The following PCDH11Y variants were observed in gnomAD, a reference collection of about 807,000 sequenced individuals.
PCDH11Y encodes the protein protocadherin 11 Y-linked, also known as protocadherin-11 Y-linked.
For synonymous variants in PCDH11Y, 9 were observed against 83.6 expected, an observed-to-expected ratio of 0.11 and a Z score of 4.87; for missense variants, 12 against 224.8, an observed-to-expected ratio of 0.05 and a Z score of 6.05.
At chrY:5,227,365 A>G in intron 2 of PCDH11Y, among the ~76,000 whole-genome samples, 3 of 33,033 alleles carry the variant, frequency 9.1e-5, no homozygotes, top group Non-Finnish European at 1.5e-4. Context: ...ATATAAGATT[A>G]TATCATATTC....
At chrY:5,695,779 A>C in intron 4 of PCDH11Y, among the ~76,000 whole-genome samples, 1 of 31,097 alleles carries the variant, frequency 3.2e-5, no homozygotes, top group Non-Finnish European at 7.8e-5. Context: ...ACAATGCCTT[A>C]ATTTTGTTTG....
intron 2 of PCDH11Y, among the ~76,000 whole-genome samples, chrY:5,362,060 A>G: frequency 3.0e-5 from 1 of 33,177 alleles, no homozygotes; most frequent in Non-Finnish European, 7.4e-5. Flanking sequence ...AAACGTTTTC[A>G]TATTTGTTTT....
intron 3 of PCDH11Y, among the ~76,000 whole-genome samples, chrY:5,513,083 T>A: frequency 1.6e-4 from 5 of 32,247 alleles, no homozygotes; most frequent in Non-Finnish European, 3.0e-4. Flanking sequence ...CAGGCTGGAG[T>A]GCAGTGGCGT....
chrY:5,721,439 G>C, intron 4 of PCDH11Y, among the ~76,000 whole-genome samples: 1 of 34,155 alleles, frequency 2.9e-5, no homozygotes, highest in Non-Finnish European at 7.3e-5. Flanking sequence ...AGCCCGCTTG[G>C]GTCAGAACCA....
chrY:5,584,035 TC>T (rs2053453000), intron 4 of PCDH11Y, among the ~76,000 whole-genome samples: 4 of 31,844 alleles, frequency 1.3e-4, no homozygotes, highest in African/African-American at 4.9e-4. Context: ...TTTCGTTTTT[TC>T]CCCTTTCAGT....
intron 3 of PCDH11Y, among the ~76,000 whole-genome samples, chrY:5,040,945 C>T: frequency 3.1e-5 from 1 of 32,095 alleles, no homozygotes; most frequent in Non-Finnish European, 7.6e-5. Context: ...AATGAACACT[C>T]CAAGTTATTA....
chrY:5,228,911 G>A (rs2052964077), intron 2 of PCDH11Y, among the ~76,000 whole-genome samples: 130 of 32,237 alleles, frequency 4.0e-3, no homozygotes, highest in Non-Finnish European at 7.6e-3. Flanking sequence ...TAGATGAAAT[G>A]TTCTGTAAAT....
At chrY:5,373,126 C>CCTTTCTTT (rs1556030828) in intron 2 of PCDH11Y, among the ~76,000 whole-genome samples, 4 of 860 alleles carry the variant, frequency 4.7e-3, no homozygotes, top group Non-Finnish European at 6.8e-3. Flanking sequence ...CTCCCTCCCT[C>CCTTTCTTT]CTTTCTTTCT....
chrY:5,256,507 G>C (rs2053011448), intron 2 of PCDH11Y, among the ~76,000 whole-genome samples: 2 of 33,091 alleles, frequency 6.0e-5, no homozygotes, highest in African/African-American at 1.2e-4. Flanking sequence ...TTTTTCTCAA[G>C]ATAGCTTTGT....
At chrY:5,208,128 C>A in intron 2 of PCDH11Y, 51 of 139,704 alleles carry the variant, frequency 3.7e-4, no homozygotes, top group Admixed American at 1.8e-3. Context: ...GGCTGCTGTG[C>A]GGAGGCAGAG....
chrY:5,339,445 G>A (rs1602907444), intron 2 of PCDH11Y, among the ~76,000 whole-genome samples: 1 of 31,813 alleles, frequency 3.1e-5, no homozygotes, highest in African/African-American at 1.2e-4. Flanking sequence ...TCTGCCTCCC[G>A]GGTTCAAGCG....
chrY:5,239,700 G>T (rs2124655338), intron 2 of PCDH11Y, among the ~76,000 whole-genome samples: 1 of 33,593 alleles, frequency 3.0e-5, no homozygotes, highest in Non-Finnish European at 7.4e-5. Flanking sequence ...CTCATCTGAG[G>T]CTTCATTGCT....
intron 2 of PCDH11Y, among the ~76,000 whole-genome samples, chrY:5,458,374 C>T (rs2124683524): frequency 6.4e-5 from 2 of 31,064 alleles, no homozygotes; most frequent in South Asian, 1.5e-3. Flanking sequence ...CCACCTGGAC[C>T]TTTCCTCATG....
At chrY:5,207,372 C>T in intron 2 of PCDH11Y, 1 of 239,674 alleles carries the variant, frequency 4.2e-6, no homozygotes, top group Admixed American at 7.8e-5. Flanking sequence ...AGCCAAGAAG[C>T]AGGCTTCAGG....
chrY:5,587,133 T>C (rs2053457022), intron 4 of PCDH11Y, among the ~76,000 whole-genome samples: 1 of 32,076 alleles, frequency 3.1e-5, no homozygotes, highest in Non-Finnish European at 7.7e-5. Flanking sequence ...GTGTCCATTA[T>C]AATTTGTTTC....
chrY:5,108,483 T>G (rs538458875), downstream of PCDH11Y, among the ~76,000 whole-genome samples: 7 of 30,100 alleles, frequency 2.3e-4, no homozygotes, highest in East Asian at 9.0e-4. Flanking sequence ...CGTGGTGGCT[T>G]ATGCCTGTAA....
intron 3 of PCDH11Y, among the ~76,000 whole-genome samples, chrY:5,508,989 T>C (rs2053361485): frequency 6.1e-5 from 2 of 32,994 alleles, no homozygotes; most frequent in Non-Finnish European, 1.5e-4. Flanking sequence ...GGGTGCTATT[T>C]AGTCCAGCTC....
At chrY:5,633,835 T>C (rs2053514604) in intron 4 of PCDH11Y, among the ~76,000 whole-genome samples, 1 of 30,406 alleles carries the variant, frequency 3.3e-5, no homozygotes, top group Admixed American at 3.0e-4. Context: ...GAGGTGGAGG[T>C]TGCAGTGAGC....
intron 3 of PCDH11Y, among the ~76,000 whole-genome samples, chrY:5,044,433 C>T (rs2124625020): frequency 9.0e-5 from 3 of 33,433 alleles, no homozygotes; most frequent in African/African-American, 3.5e-4. Flanking sequence ...GAGTGAGTTT[C>T]TTAATCCTGA....
Sources: gnomAD v4.1 joint callset for allele counts (sites outside exome capture counted in the v4.1 genomes callset) on GRCh38, gnomAD v4.1.1 for gene constraint, MANE v1.5 for transcripts, NCBI Gene and HGNC (gene_info 2026-07-23, HGNC 2026-07-21) for gene names.